The following GFPT1 variants were observed in gnomAD, a reference collection of about 807,000 sequenced individuals.
The protein encoded by GFPT1 is glutamine--fructose-6-phosphate transaminase 1.
GFPT1 carries 40 observed loss-of-function variants against 92.0 expected under a neutral mutation model. The observed-to-expected ratio is 0.43, with a 90% CI of 0.34 to 0.57. GFPT1 has a LOEUF of 0.57. Among genes scored for constraint, GFPT1 ranks in the 20% least tolerant of loss-of-function variants. The probability of loss-of-function intolerance (pLI) is 0.02; values close to 1 mark genes in which losing one functional copy is unlikely to be tolerated. For synonymous variants in GFPT1, 269 were observed against 280.6 expected, an observed-to-expected ratio of 0.96 and a Z score of 0.41; for missense variants, 448 against 869.1, an observed-to-expected ratio of 0.52 and a Z score of 6.09.
At chr2:69,382,238 AG>A (rs1219492180) in intron 1 of GFPT1, among the ~76,000 whole-genome samples, 2 of 152,204 alleles carry the variant, frequency 1.3e-5, no homozygotes, top group African/African-American at 4.8e-5. Context: ...AAATATTCTG[AG>A]GCTCCTTCAC....
chr2:69,381,635 G>A (rs1470273126), intron 1 of GFPT1, among the ~76,000 whole-genome samples: 1 of 148,106 alleles, frequency 6.8e-6, no homozygotes, highest in African/African-American at 2.5e-5. Context: ...ATAGCTCACT[G>A]CAGCCTCAAA....
chr2:69,332,313 C>CA (rs1670682940), intron 15 of GFPT1, among the ~76,000 whole-genome samples: 1 of 134,410 alleles, frequency 7.4e-6, no homozygotes. Flanking sequence ...CTTTTCTTTT[C>CA]TTTTTTTTTT....
Position 69,324,241 on chromosome 2 carries a change from C to A in GFPT1, c.*1948G>T, listed in dbSNP as rs1670480500. 1.3e-5 allele frequency: 2 copies of A among 152,132 alleles called. No individual in the cohort carries two copies. The highest frequency in any genetic ancestry group is 2.1e-4 in the South Asian group (1 of 4,830). 9.4% of individuals were successfully genotyped at this position (152,132 alleles called of 1,614,324 possible). A position where few individuals can be genotyped will look rare whatever the true frequency, so the allele number is the denominator to read the frequency against. On this transcript the variant is annotated 3_prime_UTR_variant, in exon 20 of 20. Coordinates refer to ENST00000357308, the MANE Select transcript of GFPT1 (RefSeq NM_001244710.2). The stretch of plus-strand genomic sequence containing the variant: ...TACACATGTGCTTTATAGAAAGACA[C>A]ACACAGAGGGAGACAGAGATTATGC...
intron 1 of GFPT1, among the ~76,000 whole-genome samples, chr2:69,377,800 T>C (rs930273585): frequency 5.3e-5 from 8 of 152,226 alleles, no homozygotes; most frequent in Admixed American, 2.0e-4. Context: ...TTGATAGCAC[T>C]ACTAGCCCAA....
chr2:69,363,480 C>T, intron 4 of GFPT1, 65 bp downstream of exon 4: 8 of 1,455,708 alleles, frequency 5.5e-6, no homozygotes, highest in Non-Finnish European at 7.7e-6. Flanking sequence ...AATCTAAAAG[C>T]CTTCATTCTG....
At chr2:69,359,139 C>A in intron 5 of GFPT1, 129 bp downstream of exon 5, 1 of 703,658 alleles carries the variant, frequency 1.4e-6, no homozygotes, top group East Asian at 2.6e-5. Context: ...CCACCGTGCC[C>A]TTGGAATTGT....
In GFPT1 at chr2:69,348,278, G is replaced by A. The variant is rs372840289; in HGVS notation, c.902C>T (p.Ala301Val). ...VIFLEDDDVA[A>V]VVDGRLSIHR... ...GATAGAAAGACGTCCATCCACTACTGCTGCAACATCATCATCTTCCAGAAA... is the reference window on the plus strand; with the variant it reads ...GATAGAAAGACGTCCATCCACTACTACTGCAACATCATCATCTTCCAGAAA... Residue 301 changes from alanine (A) to valine (V), a missense_variant, in exon 11 of 20, where the codon GCA (alanine) becomes GTA (valine). Physicochemically the swap from Ala to Val is moderately conservative, Grantham distance 64. Transcript: ENST00000357308. 3.1e-6 allele frequency: 5 copies of A among 1,612,728 alleles called. No homozygotes were observed. The South Asian group carries it at 4.4e-5, about 14-fold the overall frequency.
intron 1 of GFPT1, 40 bp downstream of exon 1, chr2:69,387,025 C>G (rs201632287): frequency 1.1e-5 from 16 of 1,465,262 alleles, no homozygotes; most frequent in Non-Finnish European, 1.5e-5. Context: ...CGCACCCCAG[C>G]GCCACCCGGC....
Position 69,326,253 on chromosome 2 carries a change from A to G in GFPT1, c.2056-20T>C. The G allele has an allele frequency of 6.3e-7, 1 of 1,585,634 alleles. No individual in the cohort carries two copies. Among genetic ancestry groups the G allele is most frequent in the Non-Finnish European group, 8.6e-7 (1 of 1,160,196 alleles). On this transcript the variant is annotated intron_variant, in intron 19 of 19. Transcript: ENST00000357308. ...ATCAACCTGCAAAAAGAAAAAAAAA[A>G]AAAGCAAGATTTGAGAGATTATATA...
intron 15 of GFPT1, among the ~76,000 whole-genome samples, chr2:69,333,971 C>A (rs1160625686): frequency 6.6e-6 from 1 of 152,116 alleles, no homozygotes; most frequent in Non-Finnish European, 1.5e-5. Flanking sequence ...GACTGGCCAA[C>A]AAGGTGACAC....
intron 7 of GFPT1, among the ~76,000 whole-genome samples, chr2:69,355,697 A>C (rs1671319764): frequency 6.6e-6 from 1 of 152,168 alleles, no homozygotes; most frequent in African/African-American, 2.4e-5. Flanking sequence ...ATGAAAGTGT[A>C]GCACCTTCTC....
chr2:69,334,842 A>AAC (rs1670753816), intron 15 of GFPT1: 1 of 152,188 alleles, frequency 6.6e-6, no homozygotes, highest in Non-Finnish European at 1.5e-5. Context: ...AGGAGTAAGG[A>AAC]TTGACTACAA....
At chr2:69,368,255 C>T (rs1349051565) in intron 3 of GFPT1, among the ~76,000 whole-genome samples, 3 of 151,940 alleles carry the variant, frequency 2.0e-5, no homozygotes, top group Non-Finnish European at 4.4e-5. Context: ...TTGTGGCGGG[C>T]GCCTGTGGTC....
At chr2:69,362,057 AT>A (rs559168957) in intron 4 of GFPT1, among the ~76,000 whole-genome samples, 3 of 151,990 alleles carry the variant, frequency 2.0e-5, no homozygotes, top group Non-Finnish European at 2.9e-5. Context: ...GTATTTGCTT[AT>A]TTTTTTTAAA....
intron 15 of GFPT1, among the ~76,000 whole-genome samples, chr2:69,332,509 G>C (rs927077314): frequency 6.6e-6 from 1 of 151,474 alleles, no homozygotes; most frequent in Non-Finnish European, 1.5e-5. Context: ...GTAGAGACGG[G>C]GTTTCACTAT....
At chr2:69,354,216 A>G in intron 9 of GFPT1, 43 bp downstream of exon 9, 1 of 1,323,588 alleles carries the variant, frequency 7.6e-7, no homozygotes, top group Non-Finnish European at 1.1e-6. Context: ...AATAAACAAA[A>G]GAGGATAAGA....
chr2:69,337,358 C>T (rs556302746), intron 15 of GFPT1, among the ~76,000 whole-genome samples: 1 of 152,138 alleles, frequency 6.6e-6, no homozygotes, highest in Non-Finnish European at 1.5e-5. Flanking sequence ...AGCCACCATG[C>T]CTGGCAGTTG....
At chr2:69,386,659 TAAG>T (rs1452065134) in intron 1 of GFPT1, among the ~76,000 whole-genome samples, 1 of 152,194 alleles carries the variant, frequency 6.6e-6, no homozygotes, top group African/African-American at 2.4e-5. Context: ...AAATGCAAGG[TAAG>T]TTCAAGAGAC....
chr2:69,335,326 ACT>A (rs1009137819), intron 15 of GFPT1, among the ~76,000 whole-genome samples: 5 of 152,096 alleles, frequency 3.3e-5, no homozygotes, highest in Middle Eastern at 3.4e-3. Flanking sequence ...AATTTTTAAA[ACT>A]CTGCTGTATA....
Sources: allele counts gnomAD v4.1 joint callset (sites outside exome capture counted in the v4.1 genomes callset), GRCh38; gene constraint gnomAD v4.1.1; transcripts MANE v1.5; gene names NCBI Gene and HGNC (gene_info 2026-07-23, HGNC 2026-07-21).